The following ZNF790 variants were observed in gnomAD, a reference collection of about 807,000 sequenced individuals.
ZNF790 encodes the protein zinc finger protein 790.
A neutral mutation model predicts 12.1 loss-of-function variants in ZNF790; 8 were observed. The observed-to-expected ratio is 0.66, with a 90% CI of 0.39 to 1.19. The LOEUF is 1.19. ZNF790 is among the 50% of genes most tolerant of loss of function. The pLI, the probability that ZNF790 is intolerant of heterozygous loss-of-function variation, is 0.01. For synonymous variants in ZNF790, 252 were observed against 244.3 expected (o/e 1.03, Z -0.29); for missense variants, 707 against 752.2 (o/e 0.94, Z 0.70).
At chr19:36,828,740 A>G (rs897926850) in intron 1 of ZNF790, among the ~76,000 whole-genome samples, 1 of 152,186 alleles carries the variant, frequency 6.6e-6, no homozygotes. Context: ...TGGCCTCCCA[A>G]AGTGCTGGAA....
At position 36,830,099 on chromosome 19, in the gene ZNF790, G is replaced by T. The variant is rs1162031327; in HGVS notation, c.-73-4407C>A. Among the ~76,000 whole-genome samples the T allele has an allele frequency of 3.3e-5, 5 of 152,258 alleles. No individual in the cohort carries two copies. In the East Asian group the frequency reaches 9.7e-4, roughly 29 times the overall value. Reference sequence around the variant, plus strand: ...CAGTACAATGTTAAACAGAAGTGGGGATCCTTGTCTGGTCCCTGATCTTAG... The same window carrying T: ...CAGTACAATGTTAAACAGAAGTGGGTATCCTTGTCTGGTCCCTGATCTTAG... On this transcript the variant is annotated intron_variant, in intron 1 of 4. Transcript: ENST00000356725.
In ZNF790 at chr19:36,818,373, AT is replaced by A; in HGVS notation, c.*59del. 6.9e-7 allele frequency: 1 copy of A among 1,448,066 alleles called. No homozygotes were observed. The highest frequency in any genetic ancestry group is 2.3e-5 in the East Asian group (1 of 43,492). The allele number at this position is 1,448,066 out of a possible 1,614,324, so 89.7% of individuals were successfully genotyped here. A position where few individuals can be genotyped will look rare whatever the true frequency, so the allele number is the denominator to read the frequency against. On this transcript the variant is annotated 3_prime_UTR_variant, in exon 5 of 5. Coordinates refer to ENST00000356725, the MANE Select transcript of ZNF790 (RefSeq NM_206894.4). Reference sequence around the variant, plus strand: ...TTGTGGTGTTCCTCAAGAGAAAAAAATAAATGACATCAATTAATGAGTCATG... The same window carrying A: ...TTGTGGTGTTCCTCAAGAGAAAAAAAAAATGACATCAATTAATGAGTCATG...
chr19:36,825,676 G>T lies in ZNF790; in HGVS notation c.-57C>A, dbSNP rs989980635. On this transcript the variant is annotated 5_prime_UTR_variant, in exon 2 of 5. Transcript: ENST00000356725. ...CTGGATTCTTTCTTGGTGAGGCAGC[G>T]TGCTGGGAAAGCAGAGCTAGAAGGA... The T allele has an allele frequency of 7.5e-5, 119 of 1,594,946 alleles. 1 individual carries two copies. The South Asian group carries it at 1.2e-3, about 17-fold the overall frequency.
chr19:36,818,693 G>A lies in ZNF790; in HGVS notation c.1651C>T (p.Arg551Ter), dbSNP rs759078936. ...KSFIWGSQLTRHKKIHTDAEP... is the reference protein window; with the variant it reads ...KSFIWGSQLT ...GCATCAGTATGAATTTTCTTATGTC[G>A]TGTAAGCTGTGAACCCCAGATAAAA... Residue 551 changes from arginine (R) to a stop codon, truncating the protein, a stop_gained, in exon 5 of 5, where the codon CGA (arginine) becomes TGA (stop). Coordinates refer to ENST00000356725, the MANE Select transcript of ZNF790 (RefSeq NM_206894.4). LOFTEE classifies it low-confidence loss of function (END_TRUNC). The A allele has an allele frequency of 1.3e-5, 21 of 1,613,430 alleles. No individual in the cohort carries two copies. Among genetic ancestry groups the A allele is most frequent in the Admixed American group, 5.0e-5 (3 of 59,832 alleles).
intron 1 of ZNF790, 43 bp from the exon 2 acceptor site, chr19:36,825,735 T>G: frequency 1.7e-6 from 2 of 1,145,512 alleles, no homozygotes; most frequent in Non-Finnish European, 1.3e-6. Flanking sequence ...CTCAGAGCTC[T>G]CAAAGGGACA....
At chr19:36,841,573 T>C (rs893266332), upstream of ZNF790, among the ~76,000 whole-genome samples, 1 of 151,732 alleles carries the variant, frequency 6.6e-6, no homozygotes, top group African/African-American at 2.4e-5. Flanking sequence ...TGAGCTGAGA[T>C]GACACCACTG....
intron 4 of ZNF790, 110 bp from the exon 5 acceptor site, chr19:36,820,224 C>A: frequency 6.0e-6 from 7 of 1,164,546 alleles, no homozygotes; most frequent in South Asian, 5.8e-5. Context: ...AAGTGAATGG[C>A]TTAGAAAATT....
Position 36,819,162 on chromosome 19 carries a change from A to G in ZNF790, c.1182T>C (p.Tyr394=), listed in dbSNP as rs202207078. 1.5e-5 allele frequency: 25 copies of G among 1,613,914 alleles called. No homozygotes were observed. The Admixed American group carries it at 2.8e-4, about 18-fold the overall frequency. The change falls in exon 5 of 5, where the codon TAT becomes TAC. Residue 394 remains tyrosine (Y), a synonymous_variant. Transcript: ENST00000356725. ...AGGCTTTCCCACATTTCTCACATTTATAAGGTTTCCTACCAACATGAACAT... is the reference window on the plus strand; with the variant it reads ...AGGCTTTCCCACATTTCTCACATTTGTAAGGTTTCCTACCAACATGAACAT... The part of the protein sequence containing the change: ...HQNVHVGRKP[Y]KCEKCGKAYI...
intron 1 of ZNF790, among the ~76,000 whole-genome samples, chr19:36,836,792 C>T (rs1290453490): frequency 1.3e-5 from 2 of 152,066 alleles, no homozygotes; most frequent in Non-Finnish European, 2.9e-5. Context: ...GAAGCCCCTA[C>T]CCAACAATCA....
upstream of ZNF790, among the ~76,000 whole-genome samples, chr19:36,840,505 A>G (rs972988431): frequency 1.3e-5 from 2 of 152,182 alleles, no homozygotes; most frequent in East Asian, 1.9e-4. Context: ...TCAGTGCCCT[A>G]TGTTTTTATT....
chr19:36,836,461 A>AACAC lies in ZNF790; in HGVS notation c.-74+1872_-74+1875dup, dbSNP rs202006771. On this transcript the variant is annotated intron_variant, in intron 1 of 4. Transcript: ENST00000356725. ...TGCAGCAAGACAAGCCTAAAAAAAA[A>AACAC]ACACACACACACACCGGCTGGGCGC... 2.4e-3 allele frequency among the ~76,000 whole-genome samples: 362 copies of AACAC among 151,910 alleles called. 1 individual carries two copies. Among genetic ancestry groups the AACAC allele is most frequent in the Non-Finnish European group, 3.7e-3 (248 of 67,944 alleles).
At chr19:36,849,495 T>C (rs919057446) in intron 1 of ZNF790, among the ~76,000 whole-genome samples, 10 of 152,078 alleles carry the variant, frequency 6.6e-5, no homozygotes, top group Non-Finnish European at 1.3e-4. Context: ...CCCATATGCA[T>C]CTATTATGAC....
chr19:36,831,326 C>T (rs1415883565), intron 1 of ZNF790, among the ~76,000 whole-genome samples: 2 of 149,840 alleles, frequency 1.3e-5, no homozygotes, highest in Admixed American at 6.7e-5. Flanking sequence ...CAAAAATATA[C>T]GATCTCAGGA....
At chr19:36,845,005 G>A (rs1431848258) in intron 1 of ZNF790, among the ~76,000 whole-genome samples, 1 of 113,238 alleles carries the variant, frequency 8.8e-6, no homozygotes, top group African/African-American at 3.4e-5. Flanking sequence ...CTGAGATCCC[G>A]CCACTGCACT....
upstream of ZNF790, among the ~76,000 whole-genome samples, chr19:36,841,380 G>A (rs563111370): frequency 2.0e-4 from 31 of 152,280 alleles, no homozygotes; most frequent in African/African-American, 7.2e-4. Context: ...AGCACTGTGG[G>A]AGGCCAAGGC....
intron 1 of ZNF790, among the ~76,000 whole-genome samples, 174 bp from the exon 2 acceptor site, chr19:36,825,866 T>C (rs545282677): frequency 6.6e-6 from 1 of 152,356 alleles, no homozygotes; most frequent in African/African-American, 2.4e-5. Context: ...GAATCACTTA[T>C]GCCAAAATCA....
At chr19:36,820,892 CTTTTTT>C (rs1161286902) in intron 4 of ZNF790, among the ~76,000 whole-genome samples, 4 of 127,010 alleles carry the variant, frequency 3.1e-5, no homozygotes, top group African/African-American at 6.0e-5. Flanking sequence ...GAGACCCTGT[CTTTTTT>C]TTTTTTTTTT....
Position 36,818,545 on chromosome 19 carries a change from T to A in ZNF790, c.1799A>T (p.His600Leu). The part of the protein sequence containing the change: ...EWTDYGNTFS[H>L]ESNFAQHQNI... ...CTGGTGTTGAGCAAAGTTTGACTCA[T>A]GACTAAAGGTGTTCCCATAGTCTGT... The change falls in exon 5 of 5, where the codon CAT becomes CTT. Residue 600 changes from histidine to leucine, a missense_variant. Physicochemically the swap from His to Leu is moderately conservative, Grantham distance 99. Transcript: ENST00000356725. 1 of 1,606,936 alleles carries A rather than the reference T, an allele frequency of 6.2e-7. No individual in the cohort carries two copies. Among genetic ancestry groups the A allele is most frequent in the Non-Finnish European group, 8.5e-7 (1 of 1,174,036 alleles).
chr19:36,834,885 A>G (rs2146074953), intron 1 of ZNF790, among the ~76,000 whole-genome samples: 1 of 152,382 alleles, frequency 6.6e-6, no homozygotes, highest in Middle Eastern at 3.4e-3. Context: ...AGAGGCCATG[A>G]TCTTGAGCAT....
Sources: gnomAD v4.1 joint callset for allele counts (sites outside exome capture counted in the v4.1 genomes callset) on GRCh38, gnomAD v4.1.1 for gene constraint, MANE v1.5 for transcripts, NCBI Gene and HGNC (gene_info 2026-07-23, HGNC 2026-07-21) for gene names.